The following ITSN2 variants were observed in gnomAD, a reference collection of about 807,000 sequenced individuals.
ITSN2 encodes intersectin 2, also known as intersectin-2.
Under a neutral mutation model 243.7 loss-of-function variants are expected in ITSN2, and 156 were observed. The observed-to-expected ratio is 0.64, with a 90% CI of 0.56 to 0.73. ITSN2 has a LOEUF of 0.73. ITSN2 is among the 30% of genes least tolerant of loss of function. The probability of loss-of-function intolerance (pLI) is 0.00; values close to 1 mark genes in which losing one functional copy is unlikely to be tolerated. For synonymous variants in ITSN2, 703 were observed against 699.9 expected (o/e 1.00, Z -0.07); for missense variants, 1,801 against 1,996.1 (o/e 0.90, Z 1.86).
intron 1 of ITSN2, among the ~76,000 whole-genome samples, chr2:24,330,203 T>C (rs2551125): frequency 0.98 from 149,169 of 152,362 alleles, 73,019 homozygotes; most frequent in East Asian, 0.99. Context: ...CCTTAATCAG[T>C]TGGGATCTAG....
intron 29 of ITSN2, among the ~76,000 whole-genome samples, chr2:24,232,112 T>C (rs147158278): frequency 6.6e-6 from 1 of 152,356 alleles, no homozygotes; most frequent in African/African-American, 2.4e-5. Context: ...TTTTTACTTT[T>C]GGAAATTTAA....
In ITSN2 at chr2:24,204,405, T is replaced by C. The variant is rs1668626532; in HGVS notation, c.4776A>G (p.Pro1592=). Residue 1592 remains proline, a synonymous_variant, in exon 39 of 40, where the codon CCA becomes CCG. Transcript: ENST00000355123. The surrounding 1 kb of genome is among the most constrained non-coding windows in gnomAD (Gnocchi z 5.1). ...GGGAGCCCATGCTGATTTCACAGTA[T>C]GGGTTGCTCTTTCCTGAACAAAAAC... ...KACKPNGKSN[P]YCEISMGSQS... is the part of the protein sequence containing the mutation. The C allele has an allele frequency of 1.2e-6, 2 of 1,614,008 alleles. No individual in the cohort carries two copies. The highest frequency in any genetic ancestry group is 1.7e-5 in the Admixed American group (1 of 60,004).
chr2:24,243,430 T>C (rs1017483663), intron 29 of ITSN2, among the ~76,000 whole-genome samples: 2 of 152,024 alleles, frequency 1.3e-5, no homozygotes, highest in African/African-American at 2.4e-5. Context: ...TATAAAATCA[T>C]TGCGTAGGTC....
Position 24,295,815 on chromosome 2 carries a change from A to G in ITSN2, c.1495-11T>C. 3 of 1,504,082 alleles carry G rather than the reference A, an allele frequency of 2.0e-6. No individual in the cohort carries two copies. The highest frequency in any genetic ancestry group is 2.7e-6 in the Non-Finnish European group (3 of 1,130,612). 93.2% of individuals were successfully genotyped at this position (1,504,082 alleles called of 1,614,324 possible). A position where few individuals can be genotyped will look rare whatever the true frequency, so the allele number is the denominator to read the frequency against. On this transcript the variant is annotated splice_polypyrimidine_tract_variant and intron_variant, in intron 13 of 39. Transcript: ENST00000355123. ...CTGATGTTTGCCATTCTATAGGAAG[A>G]TCATATAAATATATAGTAACATAAA...
intron 19 of ITSN2, 136 bp from the exon 20 acceptor site, chr2:24,270,904 G>A (rs1677257412): frequency 5.4e-6 from 3 of 556,476 alleles, no homozygotes; most frequent in Non-Finnish European, 9.7e-6. Flanking sequence ...ATACAGACTT[G>A]CTAGGATTTC....
intron 1 of ITSN2, among the ~76,000 whole-genome samples, chr2:24,353,569 C>T (rs1322952641): frequency 6.6e-6 from 1 of 152,182 alleles, no homozygotes; most frequent in East Asian, 1.9e-4. Context: ...GCCTGGGCAA[C>T]AGAGCCAGAC....
intron 8 of ITSN2, among the ~76,000 whole-genome samples, chr2:24,306,923 A>G (rs1313049513): frequency 6.6e-6 from 1 of 151,762 alleles, no homozygotes; most frequent in African/African-American, 2.4e-5. Context: ...CTCCTGCCTC[A>G]GCCTCCAGAG....
chr2:24,284,629 A>G (rs1679230790), intron 17 of ITSN2, 134 bp downstream of exon 17: 2 of 548,424 alleles, frequency 3.6e-6, no homozygotes, highest in African/African-American at 1.9e-5. Context: ...TCAAGCAAGC[A>G]GAAAGAAAAA....
intron 9 of ITSN2, among the ~76,000 whole-genome samples, chr2:24,302,477 C>A (rs1021518629): frequency 6.6e-6 from 1 of 152,098 alleles, no homozygotes; most frequent in Non-Finnish European, 1.5e-5. Flanking sequence ...AGATTACAGG[C>A]GTGAGCCACC....
In ITSN2 at chr2:24,205,284, C is replaced by G. The variant is rs747550009; in HGVS notation, c.4692G>C (p.Lys1564Asn). Residue 1564 changes from lysine to asparagine, a missense_variant, in exon 38 of 40, where the codon AAG becomes AAC. By Grantham distance (94) the Lys-to-Asn change is moderately conservative. Transcript: ENST00000355123. ...REKAYQARSQ[K>N]TSGIGRLMVH... is the part of the protein sequence containing the mutation. ...CCATCAGGCGCCCAATGCCTGAAGT[C>G]TTTTGGGAGCGGGCTACAAAAGAGG... 1.2e-6 allele frequency: 2 copies of G among 1,613,696 alleles called. No individual in the cohort carries two copies. The highest frequency in any genetic ancestry group is 2.7e-5 in the African/African-American group (2 of 74,904).
intron 36 of ITSN2, among the ~76,000 whole-genome samples, chr2:24,208,691 C>G (rs901258772): frequency 2.6e-5 from 4 of 152,220 alleles, no homozygotes; most frequent in Admixed American, 6.5e-5. Context: ...AAGCTGGGAA[C>G]AGCGGGGATG....
At chr2:24,264,843 G>T (rs1676457538) in intron 20 of ITSN2, among the ~76,000 whole-genome samples, 1 of 57,178 alleles carries the variant, frequency 1.7e-5, no homozygotes, top group African/African-American at 6.8e-5. Flanking sequence ...TTAAATTCAG[G>T]TACTAAAAGA....
At chr2:24,244,192 G>C (rs1673076944) in intron 29 of ITSN2, among the ~76,000 whole-genome samples, 1 of 152,156 alleles carries the variant, frequency 6.6e-6, no homozygotes, top group Non-Finnish European at 1.5e-5. Context: ...CTGACAACCA[G>C]AAACTATGCT....
At position 24,283,017 on chromosome 2, in the gene ITSN2, CAAAAAA is replaced by C. The variant is rs765516566; in HGVS notation, c.1944+1740_1944+1745del. Among the ~76,000 whole-genome samples, 6 of 101,140 alleles carry C rather than the reference CAAAAAA, an allele frequency of 5.9e-5. 1 individual carries two copies. The highest frequency in any genetic ancestry group is 1.3e-4 in the Non-Finnish European group (6 of 47,372). The allele number at this position is 101,140 out of a possible 152,430, so 66.4% of individuals were successfully genotyped here. The stretch of plus-strand genomic sequence containing the variant: ...TATTTCCTTCAAGTCTTTCTTAAAC[CAAAAAA>C]AAAAAAAAAAAAGATTTTCCTTTGA... On this transcript the variant is annotated intron_variant, in intron 17 of 39. Transcript: ENST00000355123.
At chr2:24,316,795 A>G (rs1035240330) in intron 2 of ITSN2, among the ~76,000 whole-genome samples, 2 of 152,204 alleles carry the variant, frequency 1.3e-5, no homozygotes, top group African/African-American at 4.8e-5. Flanking sequence ...GGTAAACTCC[A>G]ACAGAATTAA....
intron 2 of ITSN2, among the ~76,000 whole-genome samples, chr2:24,321,240 A>G (rs73920055): frequency 1.5e-3 from 232 of 152,290 alleles, no homozygotes; most frequent in African/African-American, 5.4e-3. Flanking sequence ...CACATTCAAC[A>G]TGACTAATCA....
intron 1 of ITSN2, among the ~76,000 whole-genome samples, chr2:24,334,923 C>T (rs1031863084): frequency 2.0e-5 from 3 of 151,188 alleles, no homozygotes; most frequent in Non-Finnish European, 4.4e-5. Flanking sequence ...ATTAGCCGGG[C>T]GTGGTAGCGG....
chr2:24,312,525 A>C (rs1292944910), intron 4 of ITSN2, 150 bp from the exon 5 acceptor site: 1 of 473,564 alleles, frequency 2.1e-6, no homozygotes, highest in Non-Finnish European at 3.7e-6. Flanking sequence ...TAAAATATAT[A>C]ATAACAAAAA....
intron 8 of ITSN2, among the ~76,000 whole-genome samples, chr2:24,307,262 TAAGA>T (rs1682674037): frequency 6.6e-6 from 1 of 151,712 alleles, no homozygotes; most frequent in Admixed American, 6.6e-5. Context: ...ATTTTATGAA[TAAGA>T]AAGAAAGCAC....
Sources: allele counts gnomAD v4.1 joint callset (sites outside exome capture counted in the v4.1 genomes callset), GRCh38; gene constraint gnomAD v4.1.1; non-coding constraint Gnocchi (gnomAD v3.1); transcripts MANE v1.5; gene names NCBI Gene and HGNC (gene_info 2026-07-23, HGNC 2026-07-21).